BMAL2: variants seen among roughly 807,000 people sequenced by gnomAD.
BMAL2 encodes basic helix-loop-helix ARNT-like protein 2.
At chr12:27,401,913 G>A in the BMAL2 span, among the ~76,000 whole-genome samples, 2 of 152,148 alleles carry the variant, frequency 1.3e-5, no homozygotes, top group Non-Finnish European at 1.5e-5. Context: ...TGAGGGTAAA[G>A]GCATTTATTC....
the BMAL2 span, chr12:27,387,281 C>T: frequency 1.1e-5 from 17 of 1,611,878 alleles, 1 homozygote; most frequent in South Asian, 8.8e-5. Flanking sequence ...AAATTCTCTT[C>T]GTTTCTAAGT....
the BMAL2 span, among the ~76,000 whole-genome samples, chr12:27,417,267 G>A: frequency 6.6e-6 from 1 of 152,190 alleles, no homozygotes; most frequent in African/African-American, 2.4e-5. Flanking sequence ...GAACTTTTCA[G>A]TAACAGCATT....
At chr12:27,376,738 C>T in the BMAL2 span, among the ~76,000 whole-genome samples, 5 of 151,888 alleles carry the variant, frequency 3.3e-5, no homozygotes, top group Admixed American at 2.0e-4. Context: ...CAGTGGCTTA[C>T]ACCTGTAATC....
chr12:27,400,911 GA>G, the BMAL2 span: 1 of 854,786 alleles, frequency 1.2e-6, no homozygotes, highest in Non-Finnish European at 1.7e-6. Flanking sequence ...AATGAAATAA[GA>G]ATATGGACAT....
At chr12:27,410,527 T>C in the BMAL2 span, among the ~76,000 whole-genome samples, 1 of 152,004 alleles carries the variant, frequency 6.6e-6, no homozygotes, top group African/African-American at 2.4e-5. Flanking sequence ...TTCTCACTCA[T>C]AGGTGGGAAT....
chr12:27,391,390 G>A, the BMAL2 span, among the ~76,000 whole-genome samples: 1 of 152,200 alleles, frequency 6.6e-6, no homozygotes, highest in Non-Finnish European at 1.5e-5. Context: ...TTTTATGGCT[G>A]TGTAGTATTC....
the BMAL2 span, among the ~76,000 whole-genome samples, chr12:27,402,964 A>G: frequency 1.3e-5 from 2 of 152,188 alleles, no homozygotes; most frequent in African/African-American, 2.4e-5. Flanking sequence ...TTAGTTGTTC[A>G]TTCAACTTGC....
chr12:27,423,668 G>A, the BMAL2 span: 1 of 152,184 alleles, frequency 6.6e-6, no homozygotes, highest in African/African-American at 2.4e-5. Flanking sequence ...TACCACTACA[G>A]TAATGTAGTG....
At chr12:27,377,777 T>C in the BMAL2 span, among the ~76,000 whole-genome samples, 3 of 152,242 alleles carry the variant, frequency 2.0e-5, no homozygotes, top group East Asian at 5.8e-4. Context: ...TGCTCACAAA[T>C]AGAACAAAGT....
the BMAL2 span, among the ~76,000 whole-genome samples, chr12:27,385,790 G>A: frequency 2.0e-5 from 3 of 152,140 alleles, no homozygotes; most frequent in African/African-American, 7.2e-5. Flanking sequence ...AGCAAAGCTT[G>A]TATTCAGTGC....
chr12:27,345,609 C>A, the BMAL2 span, among the ~76,000 whole-genome samples: 2 of 152,192 alleles, frequency 1.3e-5, no homozygotes, highest in Admixed American at 1.3e-4. Flanking sequence ...CTGCATCATC[C>A]TCTGCCTCTG....
chr12:27,386,853 A>T, the BMAL2 span, among the ~76,000 whole-genome samples: 1 of 151,594 alleles, frequency 6.6e-6, no homozygotes, highest in Non-Finnish European at 1.5e-5. Flanking sequence ...CTGGTCTCAA[A>T]CTCATGAGCT....
At chr12:27,420,808 A>G in the BMAL2 span, 3 of 286,108 alleles carry the variant, frequency 1.0e-5, no homozygotes, top group Non-Finnish European at 1.9e-5. Context: ...AACCAAGAAT[A>G]CTACTTACAT....
At chr12:27,347,407 G>A in the BMAL2 span, among the ~76,000 whole-genome samples, 1,290 of 152,252 alleles carry the variant, frequency 8.5e-3, 14 homozygotes, top group African/African-American at 0.029. Flanking sequence ...AGAACTCCAG[G>A]ATACACAGGA....
the BMAL2 span, among the ~76,000 whole-genome samples, chr12:27,348,966 C>T: frequency 6.6e-6 from 1 of 152,156 alleles, no homozygotes; most frequent in African/African-American, 2.4e-5. Context: ...GAGATTTTGA[C>T]GTTGGGGAAC....
chr12:27,385,581 C>T, the BMAL2 span: 1 of 1,511,152 alleles, frequency 6.6e-7, no homozygotes, highest in South Asian at 1.1e-5. Context: ...ATATATTTGT[C>T]TAAGTTGTGT....
the BMAL2 span, among the ~76,000 whole-genome samples, chr12:27,411,482 G>C: frequency 2.0e-5 from 3 of 152,036 alleles, no homozygotes; most frequent in Non-Finnish European, 4.4e-5. Flanking sequence ...GCCACGCATA[G>C]TGGGGCACAG....
chr12:27,377,665 C>T, the BMAL2 span, among the ~76,000 whole-genome samples: 1 of 152,134 alleles, frequency 6.6e-6, no homozygotes, highest in African/African-American at 2.4e-5. Context: ...CATTTGAGCC[C>T]AGAAGTTTGA....
the BMAL2 span, among the ~76,000 whole-genome samples, chr12:27,338,355 C>T: frequency 2.0e-5 from 3 of 152,004 alleles, no homozygotes; most frequent in African/African-American, 4.8e-5. Context: ...GAGTTAGTCT[C>T]CTCCCCCACA....
Sources: gnomAD v4.1 joint callset for allele counts (sites outside exome capture counted in the v4.1 genomes callset) on GRCh38, gnomAD v4.1.1 for gene constraint, MANE v1.5 for transcripts, NCBI Gene and HGNC (gene_info 2026-07-23, HGNC 2026-07-21) for gene names.